LEPR: variants seen among roughly 807,000 people sequenced by gnomAD.
The protein encoded by LEPR is OB receptor.
LEPR carries 56 observed loss-of-function variants against 114.7 expected under a neutral mutation model. The observed-to-expected ratio is 0.49, with a 90% CI of 0.39 to 0.61. The LOEUF (loss-of-function observed/expected upper bound fraction) is 0.61, where lower values mean the gene tolerates loss of function less well. LEPR is among the 20% of genes least tolerant of loss of function. The pLI is 0.00. For missense variants in LEPR, 1,202 were observed against 1,352.9 expected, an observed-to-expected ratio of 0.89 and a Z score of 1.75; for synonymous variants, 443 against 461.4, an observed-to-expected ratio of 0.96 and a Z score of 0.51.
intron 5 of LEPR, among the ~76,000 whole-genome samples, chr1:65,584,636 C>T (rs1201016546): frequency 6.6e-6 from 1 of 152,010 alleles, no homozygotes; most frequent in Admixed American, 6.6e-5. Context: ...TCCCATACTG[C>T]TGTGAAAAAT....
At position 65,640,805 on chromosome 1, in the gene LEPR, A is replaced by T. The variant is rs906413403; in HGVS notation, c.*3790A>T. ...TTTAGGAAGTCTTGCTCTGTTGCCC[A>T]GCTGGAGTGCAGTGATGTGATCTCG... On this transcript the variant is annotated 3_prime_UTR_variant, in exon 20 of 20. Transcript: ENST00000349533. 1 of 137,572 alleles carries T rather than the reference A, an allele frequency of 7.3e-6. No individual in the cohort carries two copies. The highest frequency in any genetic ancestry group is 2.8e-5 in the African/African-American group (1 of 35,798). The allele number at this position is 137,572 out of a possible 1,614,324, so 8.5% of individuals were successfully genotyped here. A position where few individuals can be genotyped will look rare whatever the true frequency, so the allele number is the denominator to read the frequency against.
rs117781516 is a variant in LEPR, at chr1:65,521,094, A to G, written c.-20-44452A>G. On this transcript the variant is annotated intron_variant, in intron 2 of 19. Transcript: ENST00000349533. ...CCTGTTCCCAACAGTTGTTGGCCAA[A>G]GATTCATTTGATTAACCTGATTTTT... Among the ~76,000 whole-genome samples the G allele has an allele frequency of 3.3e-5, 5 of 152,358 alleles. No individual in the cohort carries two copies. In the East Asian group the frequency reaches 9.6e-4, roughly 29 times the overall value.
chr1:65,545,579 G>A (rs1450083908), intron 2 of LEPR, among the ~76,000 whole-genome samples: 2 of 152,146 alleles, frequency 1.3e-5, no homozygotes, highest in Non-Finnish European at 2.9e-5. Flanking sequence ...ATTTTTTCAT[G>A]TGTCTTTTGG....
intron 2 of LEPR, among the ~76,000 whole-genome samples, chr1:65,479,938 AAAC>A (rs1647201250): frequency 6.6e-6 from 1 of 152,130 alleles, no homozygotes; most frequent in African/African-American, 2.4e-5. Flanking sequence ...ACAAACAAAC[AAAC>A]AAAAAAACAA....
At chr1:65,580,447 G>A (rs561763734) in intron 5 of LEPR, among the ~76,000 whole-genome samples, 71 of 152,340 alleles carry the variant, frequency 4.7e-4, no homozygotes, top group Admixed American at 1.0e-3. Context: ...TCTAATGTTT[G>A]TAAGGGATTT....
intron 2 of LEPR, among the ~76,000 whole-genome samples, chr1:65,477,396 G>GTAGCTTAGT (rs1426468038): frequency 6.6e-6 from 1 of 152,206 alleles, no homozygotes; most frequent in Non-Finnish European, 1.5e-5. Flanking sequence ...GCATGGAGAG[G>GTAGCTTAGT]TAGCTTAGTA....
At chr1:65,493,340 T>G (rs1647978562) in intron 2 of LEPR, among the ~76,000 whole-genome samples, 1 of 152,072 alleles carries the variant, frequency 6.6e-6, no homozygotes, top group African/African-American at 2.4e-5. Context: ...GATAATTGAT[T>G]CTCCACAATA....
intron 2 of LEPR, among the ~76,000 whole-genome samples, chr1:65,514,209 T>C (rs2100560523): frequency 6.6e-6 from 1 of 152,352 alleles, no homozygotes; most frequent in East Asian, 1.9e-4. Flanking sequence ...GTTACATAGC[T>C]TTTCAGATAG....
chr1:65,578,726 G>A (rs1447677428), intron 5 of LEPR, among the ~76,000 whole-genome samples: 2 of 151,904 alleles, frequency 1.3e-5, no homozygotes, highest in Non-Finnish European at 2.9e-5. Flanking sequence ...AATAATTCCA[G>A]GAATCCTTAT....
At chr1:65,582,891 C>A (rs1475141749) in intron 5 of LEPR, among the ~76,000 whole-genome samples, 1 of 152,136 alleles carries the variant, frequency 6.6e-6, no homozygotes, top group Non-Finnish European at 1.5e-5. Flanking sequence ...CCCCATTTCA[C>A]TACTTCTTTT....
chr1:65,545,922 A>G (rs1024323191), intron 2 of LEPR, among the ~76,000 whole-genome samples: 18 of 151,910 alleles, frequency 1.2e-4, no homozygotes, highest in African/African-American at 3.4e-4. Context: ...GTTTTCTTCT[A>G]GGGTTTTTAT....
chr1:65,520,366 G>C (rs1371807524), intron 2 of LEPR, among the ~76,000 whole-genome samples: 2 of 152,072 alleles, frequency 1.3e-5, no homozygotes, highest in African/African-American at 4.8e-5. Flanking sequence ...AGATAACTTT[G>C]CCAAGAAATA....
intron 2 of LEPR, among the ~76,000 whole-genome samples, chr1:65,443,622 A>G (rs2100291297): frequency 6.6e-6 from 1 of 152,256 alleles, no homozygotes; most frequent in East Asian, 1.9e-4. Context: ...TGGAAAAATG[A>G]TTGGATGAGT....
Position 65,636,341 on chromosome 1 carries a change from C to T in LEPR, c.2824C>T (p.Leu942=). ...DEMMPTTVVS[L]LSTTDLEKGS... ...GATGATGCCAACAACTGTGGTCTCT[C>T]TACTTTCAACAACAGATCTTGAAAA... is the stretch of plus-strand genomic sequence containing the variant. Residue 942 remains leucine, a synonymous_variant, in exon 20 of 20, where the codon CTA becomes TTA. Coordinates refer to ENST00000349533, the MANE Select transcript of LEPR (RefSeq NM_002303.6). The T allele has an allele frequency of 6.2e-7, 1 of 1,614,078 alleles. No individual in the cohort carries two copies.
At chr1:65,547,231 G>T (rs1570659131) in intron 2 of LEPR, among the ~76,000 whole-genome samples, 2 of 152,090 alleles carry the variant, frequency 1.3e-5, no homozygotes, top group Non-Finnish European at 2.9e-5. Context: ...GAGGATTTTT[G>T]CAGCAATGTT....
chr1:65,618,178 C>A, intron 16 of LEPR, 32 bp downstream of exon 16: 2 of 1,577,060 alleles, frequency 1.3e-6, no homozygotes, highest in South Asian at 2.2e-5. Context: ...AAGTTGCTCT[C>A]ATGGATTAAT....
rs371880173 is a variant in LEPR, at chr1:65,456,104, G to A, written c.-21+30726G>A. On this transcript the variant is annotated intron_variant, in intron 2 of 19. Transcript: ENST00000349533. ...GAAAGGAAACTCCCTGACCCCTTGC[G>A]CTTCCCGAGTGAGGCAATGCCTCGC... 7.0e-4 allele frequency among the ~76,000 whole-genome samples: 107 copies of A among 152,244 alleles called. 1 individual carries two copies. The highest frequency in any genetic ancestry group is 2.3e-3 in the African/African-American group (95 of 41,566).
In LEPR at chr1:65,530,884, C is replaced by G. The variant is rs567123709; in HGVS notation, c.-20-34662C>G. 1.4e-4 allele frequency among the ~76,000 whole-genome samples: 21 copies of G among 152,272 alleles called. No individual in the cohort carries two copies. In the South Asian group the frequency reaches 4.4e-3, roughly 32 times the overall value. ...GCCTCTGACAGCTCCCACCCTAGTA[C>G]AAGGTGCCATCAACTCTCACGTGAG... On this transcript the variant is annotated intron_variant, in intron 2 of 19. Coordinates refer to ENST00000349533, the MANE Select transcript of LEPR (RefSeq NM_002303.6).
At chr1:65,594,268 T>C (rs377511299) in intron 6 of LEPR, among the ~76,000 whole-genome samples, 13 of 152,004 alleles carry the variant, frequency 8.6e-5, no homozygotes, top group Admixed American at 5.9e-4. Context: ...ATCCCTAAGA[T>C]ACAATGAACT....
Sources: gnomAD v4.1 joint callset for allele counts (sites outside exome capture counted in the v4.1 genomes callset) on GRCh38, gnomAD v4.1.1 for gene constraint, MANE v1.5 for transcripts, NCBI Gene and HGNC (gene_info 2026-07-23, HGNC 2026-07-21) for gene names.